SPTLC1: variants seen among roughly 807,000 people sequenced by gnomAD.
SPTLC1 encodes serine palmitoyltransferase long chain base subunit 1.
In SPTLC1, 55 loss-of-function variants were observed where a neutral mutation model predicts 68.9. The observed-to-expected ratio is 0.80, with a 90% CI of 0.64 to 1.00. The LOEUF (loss-of-function observed/expected upper bound fraction) is 1.00. SPTLC1 is among the 50% of genes least tolerant of loss of function. The probability of loss-of-function intolerance (pLI) is 0.00; values close to 1 mark genes in which losing one functional copy is unlikely to be tolerated. For missense variants in SPTLC1, 449 were observed against 573.1 expected (o/e 0.78, Z 2.21); for synonymous variants, 197 against 201.6 (o/e 0.98, Z 0.19).
At chr9:92,046,905 A>T (rs1011943150) in intron 11 of SPTLC1, among the ~76,000 whole-genome samples, 1 of 152,144 alleles carries the variant, frequency 6.6e-6, no homozygotes, top group Admixed American at 6.5e-5. Context: ...ACTGGCTGAG[A>T]GCCCCTCGTC....
At chr9:92,064,849 C>T (rs893984961) in intron 6 of SPTLC1, among the ~76,000 whole-genome samples, 9 of 152,202 alleles carry the variant, frequency 5.9e-5, no homozygotes, top group Admixed American at 1.3e-4. Flanking sequence ...AAAAAGCCAA[C>T]CCCAAAGTGT....
chr9:92,079,859 T>C (rs1254834040), intron 5 of SPTLC1, 157 bp downstream of exon 5: 1 of 732,018 alleles, frequency 1.4e-6, no homozygotes, highest in Non-Finnish European at 2.4e-6. Context: ...CTCCCTATAT[T>C]GCCCATGCTG....
chr9:92,071,893 CTG>C (rs1314126579), intron 5 of SPTLC1, among the ~76,000 whole-genome samples: 1 of 152,200 alleles, frequency 6.6e-6, no homozygotes, highest in African/African-American at 2.4e-5. Flanking sequence ...ACACATGACA[CTG>C]TGCTCTGTAA....
intron 3 of SPTLC1, among the ~76,000 whole-genome samples, chr9:92,105,653 T>C (rs1216326458): frequency 1.3e-5 from 2 of 151,348 alleles, no homozygotes; most frequent in African/African-American, 4.9e-5. Flanking sequence ...CCGCACCGTC[T>C]GGGCAGTGAG....
At position 92,059,321 on chromosome 9, in the gene SPTLC1, G is replaced by A. The variant is rs575148158; in HGVS notation, c.561-13C>T. Reference sequence around the variant, plus strand: ...GGCAGCTCTATCTCTGCAAGGAAAAGAGATCCACCAAATTGGGTTTAAAGG... The same window carrying A: ...GGCAGCTCTATCTCTGCAAGGAAAAAAGATCCACCAAATTGGGTTTAAAGG... On this transcript the variant is annotated splice_polypyrimidine_tract_variant and intron_variant, in intron 6 of 14. Coordinates refer to ENST00000262554, the MANE Select transcript of SPTLC1 (RefSeq NM_006415.4). The A allele has an allele frequency of 5.6e-6, 9 of 1,612,970 alleles. No homozygotes were observed. The South Asian group carries it at 8.8e-5, about 16-fold the overall frequency.
chr9:92,062,197 T>C (rs534803014), intron 6 of SPTLC1, among the ~76,000 whole-genome samples: 2 of 152,132 alleles, frequency 1.3e-5, no homozygotes, highest in African/African-American at 2.4e-5. Flanking sequence ...AAGTAAACTT[T>C]GGAAGAAAGA....
chr9:92,070,401 G>C (rs902713875), intron 5 of SPTLC1: 1 of 152,160 alleles, frequency 6.6e-6, no homozygotes, highest in Non-Finnish European at 1.5e-5. Flanking sequence ...TCACTAACTG[G>C]AGCTGTAGAT....
rs1462188355 is a variant in SPTLC1, at chr9:92,103,428, A to G, written c.260+5312T>C. Among the ~76,000 whole-genome samples, 9 of 152,364 alleles carry G rather than the reference A, an allele frequency of 5.9e-5. 1 individual carries two copies. In the East Asian group the frequency reaches 1.7e-3, roughly 29 times the overall value. The stretch of plus-strand genomic sequence containing the variant: ...AAGTACCCCAGAACTACAGGAAAAA[A>G]TAAGAATAGATGCTGTATCCATGAT... On this transcript the variant is annotated intron_variant, in intron 3 of 14. Transcript: ENST00000262554.
At chr9:92,095,120 G>GT (rs200271211) in intron 3 of SPTLC1, among the ~76,000 whole-genome samples, 141 of 147,446 alleles carry the variant, frequency 9.6e-4, no homozygotes, top group African/African-American at 3.7e-3. Flanking sequence ...TGGGAATCCA[G>GT]TAAAAAAACA....
rs1184156598 is a variant in SPTLC1 at position 92,082,779 on chromosome 9, G to T, written c.261-1816C>A. 3.3e-5 allele frequency among the ~76,000 whole-genome samples: 5 copies of T among 151,518 alleles called. No homozygotes were observed. In the East Asian group the frequency reaches 9.7e-4, roughly 30 times the overall value. The stretch of plus-strand genomic sequence containing the variant: ...CAGTAATGGGATGGCTGGGTCAAAT[G>T]GTATTTCTAGTTCTAGATCCCTGAG... On this transcript the variant is annotated intron_variant, in intron 3 of 14. Transcript: ENST00000262554.
intron 14 of SPTLC1, among the ~76,000 whole-genome samples, chr9:92,033,154 A>G (rs952970945): frequency 6.6e-6 from 1 of 152,176 alleles, no homozygotes; most frequent in African/African-American, 2.4e-5. Context: ...ACCCAGTCAG[A>G]GTGAGTTTCC....
At chr9:92,071,853 C>T (rs59790820) in intron 5 of SPTLC1, among the ~76,000 whole-genome samples, 16,315 of 152,180 alleles carry the variant, frequency 0.11, 1,893 homozygotes, top group African/African-American at 0.3. Flanking sequence ...TTGTAACAGG[C>T]TCTACCCTAA....
At chr9:92,095,106 A>G (rs1202876117) in intron 3 of SPTLC1, among the ~76,000 whole-genome samples, 1 of 150,098 alleles carries the variant, frequency 6.7e-6, no homozygotes, top group East Asian at 1.9e-4. Flanking sequence ...ATCAAAAGAA[A>G]GACTGGGAAT....
chr9:92,055,304 C>T (rs1400323929), intron 8 of SPTLC1, 101 bp downstream of exon 8: 1 of 1,569,236 alleles, frequency 6.4e-7, no homozygotes, highest in Non-Finnish European at 8.6e-7. Context: ...GCCTAATGCG[C>T]AAAGCAACGC....
intron 6 of SPTLC1, among the ~76,000 whole-genome samples, chr9:92,066,488 G>A (rs1834289318): frequency 6.6e-6 from 1 of 152,144 alleles, no homozygotes; most frequent in Non-Finnish European, 1.5e-5. Context: ...GAAAGAGCAT[G>A]TGCGTGGGCC....
chr9:92,080,157 T>G (rs1834828266), intron 4 of SPTLC1, 69 bp from the exon 5 acceptor site: 1 of 1,328,240 alleles, frequency 7.5e-7, no homozygotes, highest in Non-Finnish European at 1.1e-6. Flanking sequence ...CATTTCCTAT[T>G]CTTTAACCCA....
intron 8 of SPTLC1, 146 bp downstream of exon 8, chr9:92,055,259 C>T: frequency 1.3e-6 from 2 of 1,504,166 alleles, no homozygotes; most frequent in South Asian, 2.5e-5. Context: ...CAGTGTTGTT[C>T]TTCTTCCCTG....
At chr9:92,109,379 T>A in intron 2 of SPTLC1, 1 of 162,722 alleles carries the variant, frequency 6.1e-6, no homozygotes, top group Non-Finnish European at 1.4e-5. Flanking sequence ...ATTCTTCCCC[T>A]GAACCCTTCA....
chr9:92,050,811 A>ATTTGTTTTTTT (rs1833680688), intron 8 of SPTLC1: 1 of 104,978 alleles, frequency 9.5e-6, no homozygotes, highest in Non-Finnish European at 1.7e-5. Context: ...CACAATACTG[A>ATTTGTTTTTTT]TTTTTTTTTT....
Sources: allele counts gnomAD v4.1 joint callset (sites outside exome capture counted in the v4.1 genomes callset), GRCh38; gene constraint gnomAD v4.1.1; transcripts MANE v1.5; gene names NCBI Gene and HGNC (gene_info 2026-07-23, HGNC 2026-07-21).